The following CELF2 variants were observed in gnomAD, a reference collection of about 807,000 sequenced individuals.
The protein encoded by CELF2 is CUGBP Elav-like family member 2, also known as CUG triplet repeat RNA-binding protein 2.
A neutral mutation model predicts 62.6 loss-of-function variants in CELF2; 8 were observed. That is an observed-to-expected ratio of 0.13 (90% CI 0.07 to 0.23). CELF2 has a LOEUF of 0.23. CELF2 is among the 10% of genes least tolerant of loss of function. The probability of loss-of-function intolerance (pLI) is 1.00; values close to 1 mark genes in which losing one functional copy is unlikely to be tolerated. For synonymous variants in CELF2, 258 were observed against 250.0 expected (o/e 1.03, Z -0.30); for missense variants, 333 against 671.0 (o/e 0.50, Z 5.56).
intron 6 of CELF2, 126 bp downstream of exon 6, chr10:11,266,803 C>A: frequency 1.5e-6 from 1 of 648,134 alleles, no homozygotes; most frequent in Non-Finnish European, 2.6e-6. Context: ...TCTCAGTTTT[C>A]ATTCATTCAT....
intron 1 of CELF2, among the ~76,000 whole-genome samples, chr10:11,126,924 T>A (rs1158989623): frequency 6.6e-6 from 1 of 152,002 alleles, no homozygotes; most frequent in African/African-American, 2.4e-5. Context: ...TACTTTAAGT[T>A]CTAGGGTACA....
the CELF2 span, among the ~76,000 whole-genome samples, chr10:10,747,458 G>A: frequency 6.6e-6 from 1 of 152,124 alleles, no homozygotes; most frequent in African/African-American, 2.4e-5. Flanking sequence ...AGGATACATT[G>A]CTAGATGGTG....
At chr10:10,766,392 A>C in the CELF2 span, among the ~76,000 whole-genome samples, 1 of 152,086 alleles carries the variant, frequency 6.6e-6, no homozygotes, top group Non-Finnish European at 1.5e-5. Flanking sequence ...CTGTATATGG[A>C]GTAGATCAGT....
In CELF2 at chr10:11,331,854, A is replaced by G. The variant is rs1419082196; in HGVS notation, c.*2801A>G. On this transcript the variant is annotated 3_prime_UTR_variant, in exon 13 of 13. Transcript: ENST00000633077. ...AAGTTTTGAACTTTTAACCCTTTCT[A>G]CCCAGAGCTATCTGGAATGTTGATG... 4 of 152,590 alleles carry G rather than the reference A, an allele frequency of 2.6e-5. No individual in the cohort carries two copies. In the East Asian group the frequency reaches 7.7e-4, roughly 29 times the overall value. The allele number at this position is 152,590 out of a possible 1,614,324, so 9.5% of individuals were successfully genotyped here.
chr10:11,065,138 A>G (rs1001166798), intron 1 of CELF2, among the ~76,000 whole-genome samples: 2 of 152,142 alleles, frequency 1.3e-5, no homozygotes, highest in African/African-American at 2.4e-5. Flanking sequence ...TAAGGAGCTC[A>G]CCTTCTGTTA....
the CELF2 span, among the ~76,000 whole-genome samples, chr10:10,536,284 T>C: frequency 3.3e-5 from 5 of 152,098 alleles, no homozygotes; most frequent in South Asian, 2.1e-4. Context: ...TCCCAATGTG[T>C]TGGGATTACA....
the CELF2 span, among the ~76,000 whole-genome samples, chr10:10,572,092 C>CAACACGTA: frequency 6.6e-6 from 1 of 152,128 alleles, no homozygotes; most frequent in African/African-American, 2.4e-5. Context: ...TAATTAATGG[C>CAACACGTA]AACACGTATG....
chr10:10,603,467 C>A, the CELF2 span, among the ~76,000 whole-genome samples: 1 of 152,164 alleles, frequency 6.6e-6, no homozygotes, highest in African/African-American at 2.4e-5. Context: ...TACCTTGAGG[C>A]CACTGTCTTC....
At chr10:10,714,909 G>A in the CELF2 span, among the ~76,000 whole-genome samples, 1 of 151,958 alleles carries the variant, frequency 6.6e-6, no homozygotes, top group Non-Finnish European at 1.5e-5. Flanking sequence ...ATTGGAAATA[G>A]TTGTTATTAC....
At chr10:10,649,117 C>T in the CELF2 span, among the ~76,000 whole-genome samples, 65 of 152,244 alleles carry the variant, frequency 4.3e-4, no homozygotes, top group East Asian at 9.7e-4. Context: ...AACCATTATC[C>T]TCTCATTTTT....
chr10:11,119,311 GT>G (rs1416355348), intron 1 of CELF2, among the ~76,000 whole-genome samples: 4 of 152,206 alleles, frequency 2.6e-5, no homozygotes, highest in African/African-American at 9.7e-5. Context: ...AAAGTCAGAT[GT>G]TACTTTGGTA....
the CELF2 span, among the ~76,000 whole-genome samples, chr10:10,738,031 C>T: frequency 6.6e-6 from 1 of 152,294 alleles, no homozygotes; most frequent in South Asian, 2.1e-4. Context: ...AAATAGAAAG[C>T]TCTCACCCAG....
chr10:11,089,527 A>G (rs1055247186), intron 1 of CELF2, among the ~76,000 whole-genome samples: 4 of 152,204 alleles, frequency 2.6e-5, no homozygotes, highest in Non-Finnish European at 5.9e-5. Flanking sequence ...TGAGGAGAAT[A>G]TGAGCCACAG....
chr10:10,878,151 C>G (rs566661934), intron 1 of CELF2, among the ~76,000 whole-genome samples: 1 of 152,284 alleles, frequency 6.6e-6, no homozygotes, highest in African/African-American at 2.4e-5. Flanking sequence ...ACCTCCTACA[C>G]TTTCCAACCT....
chr10:10,795,947 C>A (rs2054113842), upstream of CELF2, among the ~76,000 whole-genome samples: 1 of 152,076 alleles, frequency 6.6e-6, no homozygotes, highest in Non-Finnish European at 1.5e-5. Flanking sequence ...CTATCCTGAT[C>A]CTAACCCCAA....
At chr10:10,717,017 G>A in the CELF2 span, among the ~76,000 whole-genome samples, 2 of 152,118 alleles carry the variant, frequency 1.3e-5, no homozygotes, top group Non-Finnish European at 2.9e-5. Flanking sequence ...TTTTATCAGG[G>A]ACTCAGTGGG....
the CELF2 span, among the ~76,000 whole-genome samples, chr10:10,662,540 G>T: frequency 2.0e-5 from 3 of 152,100 alleles, no homozygotes; most frequent in Non-Finnish European, 4.4e-5. Context: ...ACAGAGATTT[G>T]CAGGCATGGT....
chr10:10,644,851 G>A, the CELF2 span, among the ~76,000 whole-genome samples: 3 of 152,160 alleles, frequency 2.0e-5, no homozygotes, highest in African/African-American at 4.8e-5. Flanking sequence ...GAGAATGTCA[G>A]CAAATCAGCA....
the CELF2 span, among the ~76,000 whole-genome samples, chr10:10,627,585 C>T: frequency 2.0e-5 from 3 of 152,158 alleles, no homozygotes; most frequent in Non-Finnish European, 4.4e-5. Context: ...TCACCACTGG[C>T]CACCAGGCAG....
Sources: gnomAD v4.1 joint callset for allele counts (sites outside exome capture counted in the v4.1 genomes callset) on GRCh38, gnomAD v4.1.1 for gene constraint, MANE v1.5 for transcripts, NCBI Gene and HGNC (gene_info 2026-07-23, HGNC 2026-07-21) for gene names.